The following PRDM16 variants were observed in gnomAD, a reference collection of about 807,000 sequenced individuals.
PRDM16 encodes the protein histone-lysine N-methyltransferase PRDM16.
Under a neutral mutation model 110.6 loss-of-function variants are expected in PRDM16, and 23 were observed. That is an observed-to-expected ratio of 0.21 (90% CI 0.15 to 0.29). PRDM16 has a LOEUF of 0.29. Ranked by LOEUF, PRDM16 falls within the 10% of genes least tolerant of loss-of-function variation. The pLI is 1.00. For synonymous variants in PRDM16, 799 were observed against 781.8 expected, an observed-to-expected ratio of 1.02 and a Z score of -0.37; for missense variants, 1,615 against 1,794.3, an observed-to-expected ratio of 0.90 and a Z score of 1.81.
At chr1:3,224,351 G>C (rs929339858) in intron 2 of PRDM16, among the ~76,000 whole-genome samples, 10 of 152,188 alleles carry the variant, frequency 6.6e-5, no homozygotes, top group Non-Finnish European at 1.5e-4. Flanking sequence ...CCGTGTTATG[G>C]GTCAGGCGAC....
chr1:3,369,915 G>A (rs182073885), intron 3 of PRDM16, among the ~76,000 whole-genome samples: 4 of 152,346 alleles, frequency 2.6e-5, no homozygotes, highest in African/African-American at 9.6e-5. Context: ...GGCCTGTTGA[G>A]ATTTGAGCTA....
At chr1:3,295,743 T>C (rs943829935) in intron 3 of PRDM16, among the ~76,000 whole-genome samples, 3 of 152,156 alleles carry the variant, frequency 2.0e-5, no homozygotes, top group African/African-American at 7.2e-5. Context: ...TGGGCTCTTT[T>C]TTCTTCCGAA....
rs1250285829 is a variant in PRDM16 at position 3,370,171 on chromosome 1, C to T, written c.439-14981C>T. 1.3e-5 allele frequency among the ~76,000 whole-genome samples: 2 copies of T among 152,142 alleles called. No homozygotes were observed. The highest frequency in any genetic ancestry group is 1.9e-4 in the East Asian group (1 of 5,184). ...AGGGTGCTGAGATGAACAAACCCAC[C>T]GTGGCCTCTGCTTTGGGGAGACTGG... On this transcript the variant is annotated intron_variant, in intron 3 of 16. Coordinates refer to ENST00000270722, the MANE Select transcript of PRDM16 (RefSeq NM_022114.4). The surrounding 1 kb of genome is among the most constrained non-coding windows in gnomAD (Gnocchi z 4.8).
intron 1 of PRDM16, among the ~76,000 whole-genome samples, chr1:3,095,010 G>A (rs1036478107): frequency 1.3e-5 from 2 of 152,252 alleles, no homozygotes; most frequent in Admixed American, 6.5e-5. Context: ...AAGCCAGCAG[G>A]AGGGGACGGC....
chr1:3,178,370 G>A (rs1326451960), intron 1 of PRDM16, among the ~76,000 whole-genome samples: 3 of 152,126 alleles, frequency 2.0e-5, no homozygotes, highest in South Asian at 2.1e-4. Flanking sequence ...CCTCACCTCC[G>A]CACAGCCCCA....
intron 3 of PRDM16, among the ~76,000 whole-genome samples, chr1:3,333,452 C>T (rs1642083222): frequency 6.6e-6 from 1 of 152,178 alleles, no homozygotes; most frequent in African/African-American, 2.4e-5. Context: ...GGAAACCGGA[C>T]TCCAAAACGT....
chr1:3,152,815 G>A (rs1569702266), intron 1 of PRDM16, among the ~76,000 whole-genome samples: 1 of 152,240 alleles, frequency 6.6e-6, no homozygotes. Flanking sequence ...AGCCCCAGGA[G>A]GTCCCCGTCC....
chr1:3,178,531 G>A (rs927210304), intron 1 of PRDM16, among the ~76,000 whole-genome samples: 1 of 152,210 alleles, frequency 6.6e-6, no homozygotes, highest in Non-Finnish European at 1.5e-5. Context: ...CTCCGCCTGG[G>A]TGGCAAACGT....
intron 4 of PRDM16, chr1:3,386,775 T>A (rs939894731): frequency 6.6e-6 from 1 of 152,180 alleles, no homozygotes; most frequent in Non-Finnish European, 1.5e-5. Flanking sequence ...AGTGTGTCCT[T>A]AGTCGTCCGT....
chr1:3,422,369 T>TGGCAGGCAGACAGACAGTCA (rs1324320209), intron 12 of PRDM16, among the ~76,000 whole-genome samples: 5 of 146,700 alleles, frequency 3.4e-5, no homozygotes, highest in Non-Finnish European at 7.5e-5. Context: ...GCAGGCAGAC[T>TGGCAGGCAGACAGACAGTCA]GGCAGGCAGA....
In PRDM16 at chr1:3,411,462, A is replaced by G; in HGVS notation, c.1265A>G (p.Gln422Arg). 6.2e-7 allele frequency: 1 copy of G among 1,614,214 alleles called. No individual in the cohort carries two copies. The highest frequency in any genetic ancestry group is 1.7e-5 in the Admixed American group (1 of 60,028). Reference sequence around the variant, plus strand: ...CGGATGCACGCCGACTGCCGCACGCAGATCAAGTGCAAGGACTGTGGCCAG... The same window carrying G: ...CGGATGCACGCCGACTGCCGCACGCGGATCAAGTGCAAGGACTGTGGCCAG... ...HKRMHADCRTQIKCKDCGQMF... is the reference protein window; with the variant it reads ...HKRMHADCRTRIKCKDCGQMF... The change falls in exon 9 of 17, where the codon CAG becomes CGG. Residue 422 changes from glutamine (Q) to arginine (R), a missense_variant. Physicochemically the swap from Gln to Arg is conservative, Grantham distance 43 (BLOSUM62 1). Coordinates refer to ENST00000270722, the MANE Select transcript of PRDM16 (RefSeq NM_022114.4).
intron 8 of PRDM16, among the ~76,000 whole-genome samples, chr1:3,410,065 T>C (rs1395108960): frequency 8.6e-5 from 12 of 138,846 alleles, no homozygotes; most frequent in Non-Finnish European, 4.6e-5. Flanking sequence ...GGTGTGTGGT[T>C]GTGTATGTGC....
chr1:3,338,854 A>G (rs1642214159), intron 3 of PRDM16, among the ~76,000 whole-genome samples: 1 of 152,238 alleles, frequency 6.6e-6, no homozygotes, highest in Admixed American at 6.5e-5. Context: ...TGACTGCAGC[A>G]GGCCGAGCCC....
intron 1 of PRDM16, among the ~76,000 whole-genome samples, chr1:3,167,539 C>T (rs1371498656): frequency 3.9e-5 from 6 of 152,024 alleles, no homozygotes; most frequent in Non-Finnish European, 8.8e-5. Context: ...CCGGAGCCTC[C>T]TCCCAGCGCC....
intron 3 of PRDM16, among the ~76,000 whole-genome samples, chr1:3,283,411 A>T (rs1640760052): frequency 6.6e-6 from 1 of 151,926 alleles, no homozygotes; most frequent in Non-Finnish European, 1.5e-5. Context: ...CTGCAGCCAG[A>T]CCCTGGAGGT....
chr1:3,298,951 C>T (rs1570019554), intron 3 of PRDM16, among the ~76,000 whole-genome samples: 1 of 152,246 alleles, frequency 6.6e-6, no homozygotes, highest in African/African-American at 2.4e-5. Context: ...CTCCTCCCGT[C>T]CAGCCAGGGC....
intron 2 of PRDM16, among the ~76,000 whole-genome samples, chr1:3,231,772 C>T (rs1048855241): frequency 3.3e-5 from 5 of 152,174 alleles, no homozygotes; most frequent in Admixed American, 6.5e-5. Flanking sequence ...CGTGGGACCC[C>T]GGGAGGTTAC....
At chr1:3,180,507 G>A (rs1408079582) in intron 1 of PRDM16, among the ~76,000 whole-genome samples, 1 of 152,164 alleles carries the variant, frequency 6.6e-6, no homozygotes, top group Non-Finnish European at 1.5e-5. Context: ...GCCCCATAGA[G>A]AGGTGTGCAG....
intron 2 of PRDM16, among the ~76,000 whole-genome samples, chr1:3,191,418 C>T (rs906223063): frequency 1.3e-5 from 2 of 152,186 alleles, no homozygotes; most frequent in African/African-American, 4.8e-5. Context: ...CCTGGGTCCC[C>T]AGAGCCCACT....
Sources: gnomAD v4.1 joint callset for allele counts (sites outside exome capture counted in the v4.1 genomes callset) on GRCh38, gnomAD v4.1.1 for gene constraint, Gnocchi (gnomAD v3.1) non-coding constraint, MANE v1.5 for transcripts, NCBI Gene and HGNC (gene_info 2026-07-23, HGNC 2026-07-21) for gene names.